KAT14: variants seen among roughly 807,000 people sequenced by gnomAD.
The protein encoded by KAT14 is lysine acetyltransferase 14, also known as cysteine-rich protein 2-binding protein.
Under a neutral mutation model 78.4 loss-of-function variants are expected in KAT14, and 66 were observed. The ratio of observed to expected loss-of-function variants is 0.84; its 90% CI spans 0.69 to 1.03. The LOEUF (loss-of-function observed/expected upper bound fraction) is 1.03, where lower values mean the gene tolerates loss of function less well. Ranked by LOEUF, KAT14 falls within the 50% of genes least tolerant of loss-of-function variation. KAT14 has a pLI of 0.00. For missense variants in KAT14, 870 were observed against 972.5 expected (o/e 0.89, Z 1.40); for synonymous variants, 344 against 359.4 (o/e 0.96, Z 0.48).
At chr20:18,163,286 G>A (rs1312457603) in intron 7 of KAT14, among the ~76,000 whole-genome samples, 2 of 152,236 alleles carry the variant, frequency 1.3e-5, no homozygotes, top group East Asian at 1.9e-4. Context: ...AGGCCATGAC[G>A]GTGTCTCTGA....
Position 18,187,283 on chromosome 20 carries a change from C to T in KAT14, c.2173-3C>T. 1 of 1,593,248 alleles carries T rather than the reference C, an allele frequency of 6.3e-7. No homozygotes were observed. Among genetic ancestry groups the T allele is most frequent in the Non-Finnish European group, 8.5e-7 (1 of 1,174,036 alleles). ...ATCTTGTATTTTTCCACTCTTTTGG[C>T]AGACCTGCATGGGCAAGGACGTAAC... On this transcript the variant is annotated splice_region_variant and splice_polypyrimidine_tract_variant and intron_variant, in intron 10 of 10. Transcript: ENST00000688188.
At chr20:18,157,645 A>G (rs561213505) in intron 4 of KAT14, among the ~76,000 whole-genome samples, 7 of 152,156 alleles carry the variant, frequency 4.6e-5, no homozygotes, top group Admixed American at 2.6e-4. Context: ...TCACCATTCT[A>G]CTTTCTGTGT....
chr20:18,143,627 AT>A (rs201545127), intron 2 of KAT14, among the ~76,000 whole-genome samples: 22 of 118,912 alleles, frequency 1.9e-4, no homozygotes, highest in Admixed American at 5.1e-4. Flanking sequence ...TTTTTTTTTT[AT>A]TTTATTTTTT....
chr20:18,142,237 T>G lies in KAT14; in HGVS notation c.-424T>G. 6.5e-7 allele frequency: 1 copy of G among 1,537,148 alleles called. No individual in the cohort carries two copies. The highest frequency in any genetic ancestry group is 2.0e-5 in the Admixed American group (1 of 50,976). ...TTCGTGACGGAGTTATCAGAGACAT[T>G]GAGAGGCAAATTCGGAAAAAAGAAA... On this transcript the variant is annotated 5_prime_UTR_variant, in exon 2 of 11. In the 5' UTR this introduces an upstream ATG that the reference lacks. Coordinates refer to ENST00000688188, the MANE Select transcript of KAT14 (RefSeq NM_001392073.1).
At chr20:18,173,605 G>A (rs1488426063) in intron 7 of KAT14, among the ~76,000 whole-genome samples, 1 of 149,036 alleles carries the variant, frequency 6.7e-6, no homozygotes, top group Non-Finnish European at 1.5e-5. Context: ...CTCTGAATAT[G>A]GATGTTAACA....
intron 7 of KAT14, among the ~76,000 whole-genome samples, chr20:18,168,580 A>C (rs1163171216): frequency 6.6e-6 from 1 of 151,880 alleles, no homozygotes; most frequent in East Asian, 1.9e-4. Flanking sequence ...TCCTTGTTTT[A>C]TTCTCCCATC....
intron 4 of KAT14, among the ~76,000 whole-genome samples, chr20:18,158,395 TC>T (rs1200894270): frequency 1.3e-5 from 2 of 152,238 alleles, no homozygotes; most frequent in African/African-American, 2.4e-5. Flanking sequence ...AAGACTGTCT[TC>T]TAGGATTTCC....
chr20:18,178,995 T>C lies in KAT14; in HGVS notation c.1669-2715T>C, dbSNP rs1476549962. 2.6e-5 allele frequency among the ~76,000 whole-genome samples: 4 copies of C among 152,090 alleles called. No individual in the cohort carries two copies. In the East Asian group the frequency reaches 7.7e-4, roughly 29 times the overall value. On this transcript the variant is annotated intron_variant, in intron 7 of 10. Coordinates refer to ENST00000688188, the MANE Select transcript of KAT14 (RefSeq NM_001392073.1). ...ATACAGCAGTTCTACATGGGAGAAA[T>C]AGGCCAAAACAAAGGGGTTACAGGG... is the stretch of plus-strand genomic sequence containing the variant.
chr20:18,137,805 C>A, upstream of KAT14: 1 of 802,630 alleles, frequency 1.2e-6, no homozygotes, highest in Non-Finnish European at 1.8e-6. Flanking sequence ...CTCGATTGCT[C>A]ACGCCTGGCA....
In KAT14 at chr20:18,162,007, T is replaced by C. The variant is rs1455117258; in HGVS notation, c.867T>C (p.Pro289=). ...TTGACAGGAGCACATCTTCTACCCC[T>C]GTAAAATTCATAAGCCGAGGCCGCA... ...GFLDRSTSST[P]VKFISRGRRP... The change falls in exon 6 of 11, where the codon CCT becomes CCC. Residue 289 remains proline, a synonymous_variant. Transcript: ENST00000688188. The C allele has an allele frequency of 3.7e-6, 6 of 1,614,120 alleles. No individual in the cohort carries two copies. The highest frequency in any genetic ancestry group is 5.1e-6 in the Non-Finnish European group (6 of 1,180,048).
intron 1 of KAT14, 75 bp downstream of exon 1, chr20:18,138,126 G>A: frequency 7.2e-7 from 1 of 1,386,744 alleles, no homozygotes; most frequent in Non-Finnish European, 9.3e-7. Flanking sequence ...GTCTCTGCCC[G>A]CTCGGTTCCT....
intron 10 of KAT14, 99 bp downstream of exon 10, chr20:18,184,891 A>G (rs997064900): frequency 3.1e-6 from 4 of 1,288,046 alleles, no homozygotes; most frequent in African/African-American, 1.5e-5. Flanking sequence ...AGCATGGCCC[A>G]ATGGAATGGT....
At chr20:18,158,975 C>T in intron 4 of KAT14, 109 bp from the exon 5 acceptor site, 2 of 1,315,398 alleles carry the variant, frequency 1.5e-6, no homozygotes, top group East Asian at 2.7e-5. Flanking sequence ...CCTTCAGTAG[C>T]TGGAGGTGCC....
chr20:18,145,796 T>C (rs1031916555), intron 3 of KAT14, among the ~76,000 whole-genome samples: 40 of 152,028 alleles, frequency 2.6e-4, no homozygotes, highest in Admixed American at 5.2e-4. Context: ...AAAAAAAATA[T>C]ATTCACTGCT....
chr20:18,177,196 T>A (rs777942859), intron 7 of KAT14, among the ~76,000 whole-genome samples: 1 of 152,194 alleles, frequency 6.6e-6, no homozygotes, highest in African/African-American at 2.4e-5. Flanking sequence ...AAGGCTGGGT[T>A]CACTCATGTG....
At chr20:18,167,454 A>G (rs921276113) in intron 7 of KAT14, among the ~76,000 whole-genome samples, 1 of 152,182 alleles carries the variant, frequency 6.6e-6, no homozygotes, top group Non-Finnish European at 1.5e-5. Flanking sequence ...ATAAATTTTA[A>G]TGTATTTACA....
intron 7 of KAT14, among the ~76,000 whole-genome samples, chr20:18,168,952 G>T (rs1313222552): frequency 1.3e-5 from 2 of 150,728 alleles, no homozygotes; most frequent in African/African-American, 4.9e-5. Context: ...TACACCTTTT[G>T]TAGTTTTCCG....
In KAT14 at chr20:18,147,627, C is replaced by A. The variant is rs577086340; in HGVS notation, c.378+2276C>A. ...TGAGGCACAGTCTCACTCTGTTGCT[C>A]AGGCTGGAGTGCAGTGGCACAATCT... On this transcript the variant is annotated intron_variant, in intron 3 of 10. Coordinates refer to ENST00000688188, the MANE Select transcript of KAT14 (RefSeq NM_001392073.1). Among the ~76,000 whole-genome samples the A allele has an allele frequency of 3.3e-5, 5 of 152,296 alleles. 1 individual carries two copies. The highest frequency in any genetic ancestry group is 1.2e-4 in the African/African-American group (5 of 41,576).
intron 2 of KAT14, chr20:18,144,988 C>A (rs566567932): frequency 1.1e-6 from 1 of 926,166 alleles, no homozygotes; most frequent in Non-Finnish European, 1.4e-6. Flanking sequence ...AGCAACAATA[C>A]CTGCTTTTCC....
Sources: allele counts gnomAD v4.1 joint callset (sites outside exome capture counted in the v4.1 genomes callset), GRCh38; gene constraint gnomAD v4.1.1; transcripts MANE v1.5; gene names NCBI Gene and HGNC (gene_info 2026-07-23, HGNC 2026-07-21).